Variants in TECPR2 observed in about 807,000 individuals in gnomAD.
The protein encoded by TECPR2 is tectonin beta-propeller repeat-containing protein 2.
In TECPR2, 65 loss-of-function variants were observed where a neutral mutation model predicts 138.1. The observed-to-expected ratio is 0.47, with a 90% CI of 0.39 to 0.58. TECPR2 has a LOEUF of 0.58. Among genes scored for constraint, TECPR2 ranks in the 20% least tolerant of loss-of-function variants. The pLI is 0.00. For missense variants in TECPR2, 1,553 were observed against 1,824.5 expected (o/e 0.85, Z 2.71); for synonymous variants, 746 against 749.8 (o/e 0.99, Z 0.08).
intron 5 of TECPR2, among the ~76,000 whole-genome samples, chr14:102,421,608 G>A (rs1190579313): frequency 1.3e-5 from 2 of 152,200 alleles, no homozygotes; most frequent in South Asian, 2.1e-4. Context: ...CAAGTTGGCC[G>A]AGGTCTGGTG....
intron 17 of TECPR2, among the ~76,000 whole-genome samples, chr14:102,495,199 G>A (rs994971162): frequency 1.3e-5 from 2 of 152,084 alleles, no homozygotes; most frequent in Non-Finnish European, 2.9e-5. Flanking sequence ...GGGTGACAGC[G>A]AGACCCTGTC....
rs577092090 is a variant in TECPR2 at position 102,488,007 on chromosome 14, A to G, written c.3790-8972A>G. Among the ~76,000 whole-genome samples, 46 of 150,010 alleles carry G rather than the reference A, an allele frequency of 3.1e-4. 1 individual carries two copies. Among genetic ancestry groups the G allele is most frequent in the African/African-American group, 1.1e-3 (43 of 40,620 alleles). On this transcript the variant is annotated intron_variant, in intron 17 of 19. Coordinates refer to ENST00000359520, the MANE Select transcript of TECPR2 (RefSeq NM_014844.5). ...CAGGCATGAGCCACCACACCTGGCT[A>G]ATTTTGTATATTTTTTAGTAGAGAT... is the stretch of plus-strand genomic sequence containing the variant.
At chr14:102,379,613 C>T (rs1162490418) in intron 2 of TECPR2, among the ~76,000 whole-genome samples, 5 of 150,338 alleles carry the variant, frequency 3.3e-5, no homozygotes, top group Non-Finnish European at 5.9e-5. Context: ...GTCTTAAAAT[C>T]CATGCACAGA....
At chr14:102,380,631 A>G (rs997630676) in intron 2 of TECPR2, among the ~76,000 whole-genome samples, 35 of 152,344 alleles carry the variant, frequency 2.3e-4, no homozygotes, top group African/African-American at 7.9e-4. Flanking sequence ...CAGCCAAACC[A>G]TATCAGAAAC....
At chr14:102,461,895 A>G (rs1456716864) in intron 16 of TECPR2, among the ~76,000 whole-genome samples, 2 of 152,188 alleles carry the variant, frequency 1.3e-5, no homozygotes, top group Admixed American at 6.5e-5. Flanking sequence ...CACTTCTTCC[A>G]TGGAACAGGT....
Position 102,495,655 on chromosome 14 carries a change from G to A in TECPR2, c.3790-1324G>A, listed in dbSNP as rs187963342. 1.3e-3 allele frequency among the ~76,000 whole-genome samples: 204 copies of A among 152,354 alleles called. 1 individual carries two copies. Among genetic ancestry groups the A allele is most frequent in the Non-Finnish European group, 1.9e-3 (129 of 68,034 alleles). On this transcript the variant is annotated intron_variant, in intron 17 of 19. Coordinates refer to ENST00000359520, the MANE Select transcript of TECPR2 (RefSeq NM_014844.5). ...GCAGCAAAGGCAAACACTGGCTCAGGCAGTGGTGACTGGTGGTGATGTGCC... is the reference window on the plus strand; with the variant it reads ...GCAGCAAAGGCAAACACTGGCTCAGACAGTGGTGACTGGTGGTGATGTGCC...
chr14:102,482,136 C>T (rs551087170), intron 17 of TECPR2, among the ~76,000 whole-genome samples: 1 of 152,270 alleles, frequency 6.6e-6, no homozygotes, highest in South Asian at 2.1e-4. Context: ...TCACTGCAAC[C>T]TCCAACTCCT....
intron 1 of TECPR2, among the ~76,000 whole-genome samples, chr14:102,367,232 T>A (rs1364226004): frequency 6.6e-6 from 1 of 152,204 alleles, no homozygotes; most frequent in East Asian, 1.9e-4. Flanking sequence ...GATATTTTCC[T>A]TTGTTTTTTG....
rs546156045 is a variant in TECPR2, at chr14:102,363,671, C to T, written c.-73+555C>T. On this transcript the variant is annotated intron_variant, in intron 1 of 19. Coordinates refer to ENST00000359520, the MANE Select transcript of TECPR2 (RefSeq NM_014844.5). ...TAGTAAGTGTTAAAGGATGGGGTGT[C>T]CTGGAGTCAGAGCCGGGCAGGTCCC... Among the ~76,000 whole-genome samples the T allele has an allele frequency of 3.3e-5, 5 of 152,342 alleles. No individual in the cohort carries two copies. In the East Asian group the frequency reaches 7.7e-4, roughly 24 times the overall value.
chr14:102,438,495 C>T (rs1889742082), intron 10 of TECPR2: 1 of 325,434 alleles, frequency 3.1e-6, no homozygotes, highest in East Asian at 6.0e-5. Flanking sequence ...GTAAGCTAGA[C>T]AAAAAGTTTG....
chr14:102,414,860 T>G, intron 5 of TECPR2, 67 bp downstream of exon 5: 3 of 1,570,350 alleles, frequency 1.9e-6, no homozygotes, highest in Non-Finnish European at 2.6e-6. Flanking sequence ...GCTTTAGGGT[T>G]TCTTAGGTCT....
At chr14:102,437,180 A>G (rs1255860882) in intron 9 of TECPR2, 2 of 985,108 alleles carry the variant, frequency 2.0e-6, no homozygotes, top group African/African-American at 3.5e-5. Flanking sequence ...ATCTGTACAA[A>G]TACATTTATC....
intron 17 of TECPR2, among the ~76,000 whole-genome samples, chr14:102,492,812 C>T (rs930062115): frequency 6.6e-5 from 10 of 152,220 alleles, no homozygotes; most frequent in African/African-American, 2.2e-4. Context: ...GAGGCTGGGC[C>T]CCGCTTGCTC....
intron 17 of TECPR2, 28 bp downstream of exon 17, chr14:102,465,317 A>T: frequency 6.2e-7 from 1 of 1,610,104 alleles, no homozygotes; most frequent in Non-Finnish European, 8.5e-7. Flanking sequence ...GGTGGAACTC[A>T]CTCTTCAGTA....
chr14:102,467,024 G>A (rs1278925643), intron 17 of TECPR2, among the ~76,000 whole-genome samples: 1 of 152,134 alleles, frequency 6.6e-6, no homozygotes, highest in Non-Finnish European at 1.5e-5. Flanking sequence ...CTACATCACA[G>A]CTCTGTTGTA....
At chr14:102,373,588 T>A (rs750360735) in intron 1 of TECPR2, among the ~76,000 whole-genome samples, 8 of 152,228 alleles carry the variant, frequency 5.3e-5, no homozygotes, top group Non-Finnish European at 1.0e-4. Context: ...TATTGGGACA[T>A]AACCCCATTG....
intron 7 of TECPR2, among the ~76,000 whole-genome samples, chr14:102,430,878 A>G (rs1889452179): frequency 6.6e-6 from 1 of 152,170 alleles, no homozygotes; most frequent in South Asian, 2.1e-4. Context: ...TATTTTTCAA[A>G]TGCCCTTTGA....
chr14:102,369,261 C>T (rs958638268), intron 1 of TECPR2, among the ~76,000 whole-genome samples: 3 of 152,134 alleles, frequency 2.0e-5, no homozygotes, highest in African/African-American at 7.2e-5. Flanking sequence ...GTCTCAAAGC[C>T]CTTCTTGTGT....
intron 1 of TECPR2, among the ~76,000 whole-genome samples, chr14:102,364,986 A>G (rs989366307): frequency 2.0e-5 from 3 of 152,232 alleles, no homozygotes; most frequent in African/African-American, 7.2e-5. Context: ...TTGCTAAGGT[A>G]GAAGGGAGCT....
Sources: allele counts gnomAD v4.1 joint callset (sites outside exome capture counted in the v4.1 genomes callset), GRCh38; gene constraint gnomAD v4.1.1; transcripts MANE v1.5; gene names NCBI Gene and HGNC (gene_info 2026-07-23, HGNC 2026-07-21).